The following BCKDHB variants were observed in gnomAD, a reference collection of about 807,000 sequenced individuals.
BCKDHB encodes the protein 2-oxoisovalerate dehydrogenase subunit beta, mitochondrial.
Under a neutral mutation model 48.5 loss-of-function variants are expected in BCKDHB, and 41 were observed. The ratio of observed to expected loss-of-function variants is 0.85; its 90% CI spans 0.66 to 1.10. The LOEUF (loss-of-function observed/expected upper bound fraction) is 1.10. Ranked by LOEUF, BCKDHB falls within the 50% of genes least tolerant of loss-of-function variation. BCKDHB has a pLI of 0.00. For synonymous variants in BCKDHB, 201 were observed against 174.8 expected, an observed-to-expected ratio of 1.15 and a Z score of -1.18; for missense variants, 496 against 494.2, an observed-to-expected ratio of 1.00 and a Z score of -0.03.
At chr6:80,266,067 G>T (rs1777500997) in intron 8 of BCKDHB, among the ~76,000 whole-genome samples, 1 of 152,084 alleles carries the variant, frequency 6.6e-6, no homozygotes, top group African/African-American at 2.4e-5. Context: ...AGAAGGTGTG[G>T]AAGATGCAGC....
the BCKDHB span, among the ~76,000 whole-genome samples, chr6:80,456,311 G>A: frequency 1.3e-5 from 2 of 151,798 alleles, no homozygotes; most frequent in Non-Finnish European, 2.9e-5. Flanking sequence ...ATGTCCATAC[G>A]TTGAATAAAA....
chr6:80,154,063 C>T (rs1771921171), intron 3 of BCKDHB, among the ~76,000 whole-genome samples: 3 of 152,296 alleles, frequency 2.0e-5, no homozygotes, highest in Admixed American at 2.0e-4. Flanking sequence ...CGAAATTCTG[C>T]CCATTCTTCA....
chr6:80,443,871 G>A, the BCKDHB span, among the ~76,000 whole-genome samples: 77 of 152,096 alleles, frequency 5.1e-4, no homozygotes, highest in Non-Finnish European at 7.6e-4. Flanking sequence ...AGTTGTATAA[G>A]ATCCCATATG....
intron 9 of BCKDHB, among the ~76,000 whole-genome samples, chr6:80,293,111 G>T (rs1402464954): frequency 6.6e-6 from 1 of 152,130 alleles, no homozygotes; most frequent in Non-Finnish European, 1.5e-5. Flanking sequence ...ACCATTTTGG[G>T]GTCGAGAGGA....
the BCKDHB span, among the ~76,000 whole-genome samples, chr6:80,398,210 A>T: frequency 6.6e-6 from 1 of 152,110 alleles, no homozygotes; most frequent in Non-Finnish European, 1.5e-5. Context: ...AATATAACAG[A>T]AGACAGGAAA....
chr6:80,289,815 G>A (rs1385844785), intron 9 of BCKDHB, among the ~76,000 whole-genome samples: 1 of 152,150 alleles, frequency 6.6e-6, no homozygotes, highest in Non-Finnish European at 1.5e-5. Flanking sequence ...CGTGCACTGG[G>A]GAGCTCCAGC....
chr6:80,120,691 C>T (rs1366189976), intron 1 of BCKDHB, among the ~76,000 whole-genome samples: 1 of 152,048 alleles, frequency 6.6e-6, no homozygotes, highest in Non-Finnish European at 1.5e-5. Context: ...TATTCTTTGC[C>T]CACTTTTTGA....
intron 1 of BCKDHB, among the ~76,000 whole-genome samples, chr6:80,109,784 G>A (rs1026447711): frequency 6.6e-6 from 1 of 152,098 alleles, no homozygotes; most frequent in African/African-American, 2.4e-5. Context: ...CAGGTGTTGT[G>A]TTAGACATCA....
the BCKDHB span, among the ~76,000 whole-genome samples, chr6:80,433,928 A>G: frequency 1.7e-4 from 26 of 152,178 alleles, no homozygotes; most frequent in African/African-American, 5.8e-4. Flanking sequence ...TTCTTTAAAT[A>G]TTTTGTGTCT....
chr6:80,148,828 T>A (rs1771614194), intron 3 of BCKDHB, among the ~76,000 whole-genome samples: 1 of 152,068 alleles, frequency 6.6e-6, no homozygotes, highest in African/African-American at 2.4e-5. Context: ...TCAAGATGGA[T>A]TAAAGACTTA....
the BCKDHB span, among the ~76,000 whole-genome samples, chr6:80,465,022 GT>G: frequency 6.6e-6 from 1 of 152,102 alleles, no homozygotes; most frequent in Non-Finnish European, 1.5e-5. Flanking sequence ...AGCTGCCCAG[GT>G]TTTTTTCCCT....
chr6:80,223,046 A>G (rs1361533395), intron 8 of BCKDHB, among the ~76,000 whole-genome samples: 1 of 152,198 alleles, frequency 6.6e-6, no homozygotes, highest in African/African-American at 2.4e-5. Context: ...TGAAAATAAG[A>G]TAACTGATGG....
chr6:80,391,423 G>A, the BCKDHB span, among the ~76,000 whole-genome samples: 2 of 152,096 alleles, frequency 1.3e-5, no homozygotes, highest in African/African-American at 4.8e-5. Flanking sequence ...AGGGAATTTG[G>A]GCACAGCCAT....
At chr6:80,256,200 A>G (rs1400880531) in intron 8 of BCKDHB, among the ~76,000 whole-genome samples, 1 of 152,192 alleles carries the variant, frequency 6.6e-6, no homozygotes, top group African/African-American at 2.4e-5. Context: ...CTTTGTATAT[A>G]CACAGTAATG....
At chr6:80,208,864 T>TA (rs1774791191) in intron 8 of BCKDHB, among the ~76,000 whole-genome samples, 1 of 151,816 alleles carries the variant, frequency 6.6e-6, no homozygotes, top group Non-Finnish European at 1.5e-5. Context: ...TGCAAACCCT[T>TA]ACGGAGAGTG....
chr6:80,138,313 T>C (rs916993014), intron 3 of BCKDHB, among the ~76,000 whole-genome samples: 1 of 152,108 alleles, frequency 6.6e-6, no homozygotes, highest in Admixed American at 6.6e-5. Flanking sequence ...ATTATTATAC[T>C]TTAAGTTTTA....
At chr6:80,422,105 C>G in the BCKDHB span, among the ~76,000 whole-genome samples, 11 of 152,176 alleles carry the variant, frequency 7.2e-5, no homozygotes, top group African/African-American at 2.4e-4. Flanking sequence ...TGGGGCTGGG[C>G]CCAGGACCCC....
chr6:80,200,916 TTC>T lies in BCKDHB; in HGVS notation c.743-17_743-16del. ...TCAGAAAAAATGTCCTTTTTTTTTTTTCCTGTTCTGTATTTAGCGGAAGAAGT... is the reference window on the plus strand; with the variant it reads ...TCAGAAAAAATGTCCTTTTTTTTTTTCTGTTCTGTATTTAGCGGAAGAAGT... On this transcript the variant is annotated splice_polypyrimidine_tract_variant and intron_variant, in intron 6 of 9. Coordinates refer to ENST00000320393, the MANE Select transcript of BCKDHB (RefSeq NM_183050.4). The T allele has an allele frequency of 6.4e-7, 1 of 1,574,730 alleles. No homozygotes were observed. The highest frequency in any genetic ancestry group is 8.7e-7 in the Non-Finnish European group (1 of 1,144,836).
At chr6:80,254,472 G>A (rs746026480) in intron 8 of BCKDHB, among the ~76,000 whole-genome samples, 1 of 152,026 alleles carries the variant, frequency 6.6e-6, no homozygotes, top group Non-Finnish European at 1.5e-5. Context: ...GAAGCAGGAG[G>A]ATTGCTTGAG....
Sources: allele counts gnomAD v4.1 joint callset (sites outside exome capture counted in the v4.1 genomes callset), GRCh38; gene constraint gnomAD v4.1.1; transcripts MANE v1.5; gene names NCBI Gene and HGNC (gene_info 2026-07-23, HGNC 2026-07-21).